ROR1: variants seen among roughly 807,000 people sequenced by gnomAD.
The protein encoded by ROR1 is inactive tyrosine-protein kinase transmembrane receptor ROR1.
ROR1 carries 19 observed loss-of-function variants against 78.8 expected under a neutral mutation model. That is an observed-to-expected ratio of 0.24 (90% CI 0.17 to 0.35). The LOEUF is 0.35. Among genes scored for constraint, ROR1 ranks in the 10% least tolerant of loss-of-function variants. The pLI is 1.00. For missense variants in ROR1, 917 were observed against 1,177.8 expected, an observed-to-expected ratio of 0.78 and a Z score of 3.24; for synonymous variants, 386 against 433.6, an observed-to-expected ratio of 0.89 and a Z score of 1.36.
chr1:63,851,500 A>C (rs1645113767), intron 1 of ROR1, among the ~76,000 whole-genome samples: 1 of 152,170 alleles, frequency 6.6e-6, no homozygotes, highest in East Asian at 1.9e-4. Flanking sequence ...AAATGCTAAG[A>C]AGTCACCTGC....
At chr1:64,023,445 G>A (rs1419313304) in intron 2 of ROR1, among the ~76,000 whole-genome samples, 1 of 152,156 alleles carries the variant, frequency 6.6e-6, no homozygotes, top group Non-Finnish European at 1.5e-5. Flanking sequence ...ATGGCTCCCA[G>A]CTGTTCAGCT....
intron 1 of ROR1, among the ~76,000 whole-genome samples, chr1:63,807,572 G>C (rs1286467365): frequency 6.6e-6 from 1 of 152,134 alleles, no homozygotes; most frequent in South Asian, 2.1e-4. Flanking sequence ...GCTGTCCCAG[G>C]CTTTAGAGCG....
intron 4 of ROR1, chr1:64,094,836 C>G (rs1418406176): frequency 6.6e-6 from 1 of 152,310 alleles, no homozygotes; most frequent in South Asian, 2.1e-4. Flanking sequence ...ATGATCCACT[C>G]GCCTTGGCCT....
chr1:63,843,096 C>G, intron 1 of ROR1: 1 of 578,560 alleles, frequency 1.7e-6, no homozygotes, highest in South Asian at 1.9e-5. Context: ...TGGGATCCCC[C>G]CAGCCCCTCT....
At chr1:63,913,634 C>T (rs1645587682) in intron 1 of ROR1, among the ~76,000 whole-genome samples, 1 of 152,184 alleles carries the variant, frequency 6.6e-6, no homozygotes, top group Non-Finnish European at 1.5e-5. Context: ...CCTTGCCTGT[C>T]CCACGGCCTC....
chr1:64,080,963 C>T (rs896903978), intron 4 of ROR1, among the ~76,000 whole-genome samples: 1 of 152,200 alleles, frequency 6.6e-6, no homozygotes, highest in African/African-American at 2.4e-5. Flanking sequence ...CTCTGAGAAT[C>T]CCCACACAGC....
chr1:63,799,825 G>T (rs1446477211), intron 1 of ROR1, among the ~76,000 whole-genome samples: 2 of 152,164 alleles, frequency 1.3e-5, no homozygotes, highest in African/African-American at 4.8e-5. Flanking sequence ...TTAAATATTT[G>T]TCAAACTGAT....
At position 63,925,665 on chromosome 1, in the gene ROR1, T is replaced by C. The variant is rs1569921228; in HGVS notation, c.92-83640T>C. Among the ~76,000 whole-genome samples, 6 of 151,140 alleles carry C rather than the reference T, an allele frequency of 4.0e-5. No homozygotes were observed. In the South Asian group the frequency reaches 1.0e-3, roughly 26 times the overall value. ...AGTTTTCCTATTTCTCCACATCCTC[T>C]CCAGCACCTGTTGTTTCCTGACTTT... On this transcript the variant is annotated intron_variant, in intron 1 of 8. Transcript: ENST00000371079.
intron 2 of ROR1, among the ~76,000 whole-genome samples, chr1:64,012,949 C>T (rs892391605): frequency 6.6e-6 from 1 of 152,104 alleles, no homozygotes; most frequent in Non-Finnish European, 1.5e-5. Flanking sequence ...TGAGATAATA[C>T]GGTGGTTTAG....
chr1:64,100,167 T>G (rs1385713299), intron 4 of ROR1, among the ~76,000 whole-genome samples: 1 of 152,050 alleles, frequency 6.6e-6, no homozygotes, highest in Admixed American at 6.6e-5. Flanking sequence ...TCAGTTGACT[T>G]TATTGATTTG....
intron 4 of ROR1, among the ~76,000 whole-genome samples, chr1:64,104,481 A>G (rs1408942853): frequency 6.7e-6 from 1 of 148,936 alleles, no homozygotes; most frequent in African/African-American, 2.5e-5. Flanking sequence ...TGGGTAATAA[A>G]TTCTTTTTTT....
chr1:63,780,582 G>T (rs377740532), intron 1 of ROR1, among the ~76,000 whole-genome samples: 65 of 152,268 alleles, frequency 4.3e-4, no homozygotes, highest in African/African-American at 1.4e-3. Flanking sequence ...GCTTCAAAAC[G>T]ATGGTCCTGC....
intron 1 of ROR1, among the ~76,000 whole-genome samples, chr1:63,914,555 A>G (rs1645595064): frequency 6.6e-6 from 1 of 152,232 alleles, no homozygotes; most frequent in Non-Finnish European, 1.5e-5. Flanking sequence ...AAGTCGAGGT[A>G]GGAAGAAGAC....
At chr1:64,173,554 C>T (rs760407750) in intron 8 of ROR1, among the ~76,000 whole-genome samples, 1 of 152,100 alleles carries the variant, frequency 6.6e-6, no homozygotes, top group African/African-American at 2.4e-5. Flanking sequence ...ATGCTGGGGC[C>T]GAAAAACAGA....
intron 1 of ROR1, among the ~76,000 whole-genome samples, chr1:63,877,972 C>G (rs1022694790): frequency 6.6e-6 from 1 of 152,132 alleles, no homozygotes; most frequent in Non-Finnish European, 1.5e-5. Context: ...TAACCTCAAG[C>G]CTGGATTCTG....
intron 1 of ROR1, among the ~76,000 whole-genome samples, chr1:63,906,715 C>A (rs1333101778): frequency 6.6e-6 from 1 of 152,156 alleles, no homozygotes; most frequent in East Asian, 1.9e-4. Context: ...GTAATTTGAT[C>A]TTGTCAAACA....
At chr1:64,085,291 T>C (rs192715210) in intron 4 of ROR1, among the ~76,000 whole-genome samples, 3 of 152,222 alleles carry the variant, frequency 2.0e-5, no homozygotes, top group Non-Finnish European at 4.4e-5. Flanking sequence ...TTCCTACAGG[T>C]GTTAATGGGA....
intron 1 of ROR1, among the ~76,000 whole-genome samples, chr1:63,849,877 C>T (rs759618424): frequency 2.6e-5 from 4 of 152,118 alleles, no homozygotes; most frequent in Non-Finnish European, 4.4e-5. Context: ...TGACAAAACC[C>T]ATTTCAGATA....
intron 2 of ROR1, among the ~76,000 whole-genome samples, chr1:64,031,718 T>A (rs1223421208): frequency 6.6e-6 from 1 of 152,222 alleles, no homozygotes; most frequent in Non-Finnish European, 1.5e-5. Flanking sequence ...GGAGCTGGTG[T>A]ATGTGTGACT....
Sources: allele counts gnomAD v4.1 joint callset (sites outside exome capture counted in the v4.1 genomes callset), GRCh38; gene constraint gnomAD v4.1.1; transcripts MANE v1.5; gene names NCBI Gene and HGNC (gene_info 2026-07-23, HGNC 2026-07-21).